Variants in KIAA0930 observed in about 807,000 individuals in gnomAD.
KIAA0930 encodes uncharacterized protein KIAA0930.
A neutral mutation model predicts 43.9 loss-of-function variants in KIAA0930; 24 were observed. That is an observed-to-expected ratio of 0.55 (90% confidence interval 0.40 to 0.77). The LOEUF is 0.77. Among genes scored for constraint, KIAA0930 ranks in the 30% least tolerant of loss-of-function variants. The pLI, the probability that KIAA0930 is intolerant of heterozygous loss-of-function variation, is 0.00. For synonymous variants in KIAA0930, 259 were observed against 216.4 expected (o/e 1.20, Z -1.73); for missense variants, 461 against 574.2 (o/e 0.80, Z 2.02).
chr22:45,206,692 T>G (rs9615062), intron 2 of KIAA0930, among the ~76,000 whole-genome samples: 75,647 of 148,634 alleles, frequency 0.51, 20,086 homozygotes, highest in African/African-American at 0.68. Flanking sequence ...CCTGGGAGAC[T>G]GGCTTCCAAT....
intron 2 of KIAA0930, among the ~76,000 whole-genome samples, chr22:45,208,576 G>T (rs1162596220): frequency 1.3e-5 from 2 of 151,220 alleles, no homozygotes; most frequent in Non-Finnish European, 3.0e-5. Flanking sequence ...AGTTTGAGGA[G>T]ACAGAGCAGC....
At position 45,193,573 on chromosome 22, in the gene KIAA0930, G is replaced by A. The variant is rs564164312; in HGVS notation, c.*3603C>T. ...AGGAACATGCATTTATACCCTTCCT[G>A]TGACTCCGTGTAGAGGGAAGACTAA... On this transcript the variant is annotated 3_prime_UTR_variant, in exon 10 of 10. Coordinates refer to ENST00000336156, the MANE Select transcript of KIAA0930 (RefSeq NM_001009880.2). The A allele has an allele frequency of 2.0e-5, 3 of 152,284 alleles. No individual in the cohort carries two copies. Among genetic ancestry groups the A allele is most frequent in the African/African-American group, 7.2e-5 (3 of 41,540 alleles). The allele number at this position is 152,284 out of a possible 1,614,324, so 9.4% of individuals were successfully genotyped here. A position where few individuals can be genotyped will look rare whatever the true frequency, so the allele number is the denominator to read the frequency against.
intron 1 of KIAA0930, chr22:45,212,619 G>T (rs887607799): frequency 1.6e-6 from 2 of 1,287,046 alleles, no homozygotes; most frequent in Non-Finnish European, 1.0e-6. Context: ...AGCGGGAACC[G>T]CAGGGAGACA....
chr22:45,200,931 T>G (rs1176742740), intron 7 of KIAA0930: 6 of 486,664 alleles, frequency 1.2e-5, no homozygotes, highest in Non-Finnish European at 2.6e-5. Context: ...GAGCTGGGTC[T>G]TGAAGGACGA....
intron 1 of KIAA0930, among the ~76,000 whole-genome samples, chr22:45,234,088 A>C (rs1425782883): frequency 6.6e-6 from 1 of 151,966 alleles, no homozygotes; most frequent in African/African-American, 2.4e-5. Context: ...GAATTCTGAG[A>C]CCCGGGGGCC....
At chr22:45,205,964 C>T in intron 2 of KIAA0930, 52 bp from the exon 3 acceptor site, 1 of 1,600,928 alleles carries the variant, frequency 6.2e-7, no homozygotes, top group Non-Finnish European at 8.5e-7. Context: ...TGGTGCTCTT[C>T]TTCTTCCCTG....
intron 2 of KIAA0930, among the ~76,000 whole-genome samples, chr22:45,208,558 G>GACT (rs1555898708): frequency 1.2e-4 from 14 of 114,222 alleles, no homozygotes; most frequent in Admixed American, 1.7e-4. Flanking sequence ...GGCAGAACCC[G>GACT]CCCGGGAAGT....
At chr22:45,208,620 G>A (rs1419900997) in intron 2 of KIAA0930, among the ~76,000 whole-genome samples, 7 of 152,316 alleles carry the variant, frequency 4.6e-5, no homozygotes, top group Admixed American at 1.3e-4. Flanking sequence ...CCTGGGGTGG[G>A]GTGAAGGGGC....
chr22:45,235,201 G>C (rs577900173), intron 1 of KIAA0930: 1 of 152,270 alleles, frequency 6.6e-6, no homozygotes, highest in Non-Finnish European at 1.5e-5. Context: ...AGCTGGAGGC[G>C]GAAATGACTC....
At chr22:45,239,881 T>TCTC (rs941465207) in intron 1 of KIAA0930, among the ~76,000 whole-genome samples, 1 of 151,756 alleles carries the variant, frequency 6.6e-6, no homozygotes, top group African/African-American at 2.4e-5. Flanking sequence ...AGAGGGGGCT[T>TCTC]CTCCTGGGCT....
At position 45,202,985 on chromosome 22, in the gene KIAA0930, C is replaced by T. The variant is rs761929586; in HGVS notation, c.852+5G>A. 9 of 1,602,850 alleles carry T rather than the reference C, an allele frequency of 5.6e-6. 1 individual carries two copies. In the South Asian group the frequency reaches 8.9e-5, roughly 16 times the overall value. On this transcript the variant is annotated splice_donor_5th_base_variant and intron_variant, in intron 7 of 9. Transcript: ENST00000336156. ...AGCCCCCGCCCCCAGCTGTGCAGCC[C>T]TTACCCGCTCGTGCATGGGCGAAGC...
At position 45,194,091 on chromosome 22, in the gene KIAA0930, T is replaced by C. The variant is rs1487629601; in HGVS notation, c.*3085A>G. 2.5e-5 allele frequency: 3 copies of C among 118,966 alleles called. No homozygotes were observed. The highest frequency in any genetic ancestry group is 5.1e-5 in the Non-Finnish European group (3 of 59,294). The allele number at this position is 118,966 out of a possible 1,614,324, so 7.4% of individuals were successfully genotyped here. ...TTTTTTTTTTTTTTTTTTTTTTTTT[T>C]GAGACAGAGTTTCGCTCTCGTTGCC... On this transcript the variant is annotated 3_prime_UTR_variant, in exon 10 of 10. Transcript: ENST00000336156.
chr22:45,228,774 T>TC (rs1221394145), intron 1 of KIAA0930, among the ~76,000 whole-genome samples: 1 of 1,528 alleles, frequency 6.5e-4, no homozygotes, highest in African/African-American at 3.5e-3. Context: ...TCCCTCCCCA[T>TC]CCCCCCCAAC....
intron 1 of KIAA0930, among the ~76,000 whole-genome samples, chr22:45,232,127 T>C (rs933357850): frequency 6.6e-6 from 1 of 152,180 alleles, no homozygotes; most frequent in Non-Finnish European, 1.5e-5. Context: ...CAGGTCCACC[T>C]ATCACTCTGA....
chr22:45,213,485 C>A, intron 1 of KIAA0930: 1 of 1,199,284 alleles, frequency 8.3e-7, no homozygotes, highest in Non-Finnish European at 1.1e-6. Context: ...GCTCACAGGA[C>A]CCGGGGGAAC....
rs779026541 is a variant in KIAA0930 at position 45,203,806 on chromosome 22, G to A, written c.657+39C>T. ...GGTGGGCTGTGGAGCCGCCGTCCCC[G>A]GGCCCAGAAGAACACCCGTGAGGCC... On this transcript the variant is annotated intron_variant, in intron 6 of 9. Coordinates refer to ENST00000336156, the MANE Select transcript of KIAA0930 (RefSeq NM_001009880.2). The A allele has an allele frequency of 2.6e-5, 42 of 1,605,080 alleles. No individual in the cohort carries two copies. The Admixed American group carries it at 3.6e-4, about 14-fold the overall frequency.
intron 7 of KIAA0930, among the ~76,000 whole-genome samples, chr22:45,201,554 G>T (rs949034863): frequency 6.6e-6 from 1 of 152,202 alleles, no homozygotes; most frequent in African/African-American, 2.4e-5. Flanking sequence ...CACACATTTT[G>T]TCAGAGTCCC....
chr22:45,200,032 T>C lies in KIAA0930; in HGVS notation c.856A>G (p.Thr286Ala), dbSNP rs929925292. 2 of 1,584,696 alleles carry C rather than the reference T, an allele frequency of 1.3e-6. No individual in the cohort carries two copies. The highest frequency in any genetic ancestry group is 1.7e-6 in the Non-Finnish European group (2 of 1,166,096). Residue 286 changes from threonine (T) to alanine (A), a missense_variant, in exon 8 of 10, where the codon ACC becomes GCC. By Grantham distance (58) the Thr-to-Ala change is moderately conservative. Transcript: ENST00000336156. ...GGGGTGGGGGGTGTGCTGAAGGAGG[T>C]CACCTGGGAACAAGCAGCCAAAGTC... The part of the protein sequence containing the change: ...SPASPMHERV[T>A]SFSTPPTPER...
intron 2 of KIAA0930, among the ~76,000 whole-genome samples, chr22:45,209,374 A>C (rs1300921534): frequency 1.3e-5 from 2 of 151,904 alleles, no homozygotes; most frequent in Non-Finnish European, 2.9e-5. Flanking sequence ...CCTGCAGGCC[A>C]CCCTCAGCAC....
Sources: gnomAD v4.1 joint callset for allele counts (sites outside exome capture counted in the v4.1 genomes callset) on GRCh38, gnomAD v4.1.1 for gene constraint, MANE v1.5 for transcripts, NCBI Gene and HGNC (gene_info 2026-07-23, HGNC 2026-07-21) for gene names.